RLN2: variants seen among roughly 807,000 people sequenced by gnomAD.
The protein encoded by RLN2 is prorelaxin H2.
In RLN2, 10 loss-of-function variants were observed where a neutral mutation model predicts 7.3. The ratio of observed to expected loss-of-function variants is 1.36; its 90% CI spans 0.84 to 2.31. The LOEUF is 2.31. Among genes scored for constraint, RLN2 ranks in the 30% most tolerant of loss-of-function variants. RLN2 has a pLI of 0.00. For synonymous variants in RLN2, 103 were observed against 82.3 expected (o/e 1.25, Z -1.36); for missense variants, 298 against 217.6 (o/e 1.37, Z -2.32).
the RLN2 span, among the ~76,000 whole-genome samples, chr9:5,312,391 G>C: frequency 8.5e-5 from 13 of 152,202 alleles, no homozygotes; most frequent in Non-Finnish European, 4.4e-5. Flanking sequence ...GCTGTCAAAA[G>C]AGAAGTGGTT....
the RLN2 span, among the ~76,000 whole-genome samples, chr9:5,315,708 T>A: frequency 6.6e-6 from 1 of 152,002 alleles, no homozygotes. Flanking sequence ...GAGAACAGCA[T>A]CAAATCATAT....
At chr9:5,326,183 A>C in the RLN2 span, among the ~76,000 whole-genome samples, 1 of 152,128 alleles carries the variant, frequency 6.6e-6, no homozygotes, top group Admixed American at 6.6e-5. Flanking sequence ...GGTTTCTGTT[A>C]AATTTTTTAA....
At chr9:5,337,364 T>C in the RLN2 span, among the ~76,000 whole-genome samples, 1 of 152,090 alleles carries the variant, frequency 6.6e-6, no homozygotes, top group Non-Finnish European at 1.5e-5. Flanking sequence ...TTTAAACCTG[T>C]TTTGAAATAT....
upstream of RLN2, among the ~76,000 whole-genome samples, chr9:5,307,753 G>A (rs761390790): frequency 5.3e-5 from 8 of 152,042 alleles, no homozygotes; most frequent in Non-Finnish European, 8.8e-5. Context: ...CAGATGACAG[G>A]TGGCCTCTGA....
chr9:5,305,380 CA>C (rs1816224715), upstream of RLN2, among the ~76,000 whole-genome samples: 2 of 142,332 alleles, frequency 1.4e-5, no homozygotes, highest in Non-Finnish European at 3.0e-5. Context: ...CACACACACA[CA>C]CACACACACA....
chr9:5,337,085 G>A, the RLN2 span, among the ~76,000 whole-genome samples: 1 of 152,080 alleles, frequency 6.6e-6, no homozygotes, highest in Non-Finnish European at 1.5e-5. Flanking sequence ...GGAAATGACA[G>A]ATGAGAATTT....
chr9:5,304,718 A>T (rs1285975942), upstream of RLN2: 3 of 824,148 alleles, frequency 3.6e-6, no homozygotes, highest in Non-Finnish European at 5.9e-6. Flanking sequence ...GGTCTTTTGT[A>T]TCCCTTGGGC....
At chr9:5,338,126 TA>T in the RLN2 span, among the ~76,000 whole-genome samples, 44 of 132,800 alleles carry the variant, frequency 3.3e-4, no homozygotes, top group African/African-American at 1.2e-3. Flanking sequence ...TCAAAGTCCT[TA>T]ATATCTACGA....
At chr9:5,335,829 TC>T in the RLN2 span, among the ~76,000 whole-genome samples, 1 of 152,036 alleles carries the variant, frequency 6.6e-6, no homozygotes, top group Non-Finnish European at 1.5e-5. Flanking sequence ...TCCTCTCTCG[TC>T]TCTCTTCATT....
At chr9:5,327,674 C>T in the RLN2 span, among the ~76,000 whole-genome samples, 1 of 151,976 alleles carries the variant, frequency 6.6e-6, no homozygotes, top group South Asian at 2.1e-4. Context: ...ACACTTCAAA[C>T]AGGCAGGTGC....
chr9:5,301,069 T>A (rs913195371), intron 1 of RLN2, among the ~76,000 whole-genome samples: 1 of 152,206 alleles, frequency 6.6e-6, no homozygotes, highest in Non-Finnish European at 1.5e-5. Context: ...TAGTATTTTA[T>A]ATGAAAGAGA....
chr9:5,322,422 C>G, the RLN2 span, among the ~76,000 whole-genome samples: 2 of 151,974 alleles, frequency 1.3e-5, no homozygotes, highest in South Asian at 4.2e-4. Context: ...TACATAAAAA[C>G]AACGACAAGC....
the RLN2 span, among the ~76,000 whole-genome samples, chr9:5,333,020 T>C: frequency 6.6e-6 from 1 of 152,026 alleles, no homozygotes; most frequent in African/African-American, 2.4e-5. Flanking sequence ...GAAAACAAGA[T>C]CACAGTATTA....
intron 1 of RLN2, among the ~76,000 whole-genome samples, chr9:5,301,588 A>C (rs1477713042): frequency 6.6e-6 from 1 of 152,218 alleles, no homozygotes; most frequent in East Asian, 1.9e-4. Context: ...CTGGACAGGA[A>C]AACTCTCCAT....
the RLN2 span, among the ~76,000 whole-genome samples, chr9:5,317,725 T>C: frequency 6.6e-6 from 1 of 151,520 alleles, no homozygotes; most frequent in African/African-American, 2.4e-5. Context: ...TAGAGAAAAA[T>C]GGGTAAAAGA....
chr9:5,312,131 T>G, the RLN2 span, among the ~76,000 whole-genome samples: 11 of 151,976 alleles, frequency 7.2e-5, no homozygotes, highest in Non-Finnish European at 1.5e-4. Flanking sequence ...ACCTTTCCCT[T>G]CTAGTTTTGA....
chr9:5,311,078 G>GA, the RLN2 span, among the ~76,000 whole-genome samples: 1 of 151,886 alleles, frequency 6.6e-6, no homozygotes, highest in African/African-American at 2.4e-5. Flanking sequence ...TCTGGCTGGA[G>GA]AAAAAAATGC....
At chr9:5,300,974 T>C (rs1215228159) in intron 1 of RLN2, among the ~76,000 whole-genome samples, 1 of 152,218 alleles carries the variant, frequency 6.6e-6, no homozygotes, top group Non-Finnish European at 1.5e-5. Flanking sequence ...ACCTCTGATC[T>C]AATCAGCAGG....
At chr9:5,326,319 G>C in the RLN2 span, among the ~76,000 whole-genome samples, 4 of 152,104 alleles carry the variant, frequency 2.6e-5, no homozygotes, top group Admixed American at 1.3e-4. Flanking sequence ...TTTTAGGCTA[G>C]AAGGGGAAGA....
Sources: allele counts gnomAD v4.1 joint callset (sites outside exome capture counted in the v4.1 genomes callset), GRCh38; gene constraint gnomAD v4.1.1; transcripts MANE v1.5; gene names NCBI Gene and HGNC (gene_info 2026-07-23, HGNC 2026-07-21).